PIEZO2: variants seen among roughly 807,000 people sequenced by gnomAD.
PIEZO2 encodes the protein piezo-type mechanosensitive ion channel component 2.
In PIEZO2, 172 loss-of-function variants were observed where a neutral mutation model predicts 337.3. The observed-to-expected ratio is 0.51, with a 90% CI of 0.45 to 0.58. PIEZO2 has a LOEUF of 0.58. Among genes scored for constraint, PIEZO2 ranks in the 20% least tolerant of loss-of-function variants. The probability of loss-of-function intolerance (pLI) is 0.00; values close to 1 mark genes in which losing one functional copy is unlikely to be tolerated. For missense variants in PIEZO2, 3,028 were observed against 3,391.3 expected (o/e 0.89, Z 2.66); for synonymous variants, 1,251 against 1,228.5 (o/e 1.02, Z -0.38).
At chr18:11,108,862 A>G (rs1469870278) in intron 1 of PIEZO2, among the ~76,000 whole-genome samples, 2 of 152,162 alleles carry the variant, frequency 1.3e-5, no homozygotes, top group East Asian at 1.9e-4. Flanking sequence ...CCTCCAGCAC[A>G]TCAGTAAAAA....
intron 29 of PIEZO2, among the ~76,000 whole-genome samples, chr18:10,749,557 G>A (rs928031898): frequency 6.6e-5 from 10 of 152,182 alleles, no homozygotes; most frequent in Non-Finnish European, 1.0e-4. Flanking sequence ...GGTAGGCCAC[G>A]TGTGATGTCG....
In PIEZO2 at chr18:10,724,397, C is replaced by G. The variant is rs1207277304; in HGVS notation, c.5030-6138G>C. Among the ~76,000 whole-genome samples, 1 of 152,126 alleles carries G rather than the reference C, an allele frequency of 6.6e-6. No individual in the cohort carries two copies. Among genetic ancestry groups the G allele is most frequent in the Non-Finnish European group, 1.5e-5 (1 of 68,014 alleles). On this transcript the variant is annotated intron_variant, in intron 36 of 55. Transcript: ENST00000674853. The surrounding 1 kb of genome is among the most constrained non-coding windows in gnomAD (Gnocchi z 5.8). ...GAAAACAAAAGTGCTTTCTCCTGGC[C>G]CAGCATACTTGGGTGAAGTCTGCTG...
chr18:10,832,800 C>T (rs1037834316), intron 7 of PIEZO2, among the ~76,000 whole-genome samples: 27 of 152,150 alleles, frequency 1.8e-4, no homozygotes, highest in East Asian at 5.8e-4. Flanking sequence ...TTCTCAGACC[C>T]GGGCCATGGA....
At chr18:10,732,780 T>C (rs954287466) in intron 35 of PIEZO2, among the ~76,000 whole-genome samples, 4 of 152,224 alleles carry the variant, frequency 2.6e-5, no homozygotes, top group African/African-American at 9.6e-5. Flanking sequence ...TAATTGGGTG[T>C]TAATTGGGAA....
In PIEZO2 at chr18:10,829,653, C is replaced by T. The variant is rs1036029754; in HGVS notation, c.918-22379G>A. 1.3e-5 allele frequency among the ~76,000 whole-genome samples: 2 copies of T among 151,860 alleles called. 1 individual carries two copies. Among genetic ancestry groups the T allele is most frequent in the South Asian group, 4.1e-4 (2 of 4,820 alleles). ...AAAATCAGTAGCATTTCTATATGGC[C>T]AACAGCAAACAATGTGAAAAAGAAA... On this transcript the variant is annotated intron_variant, in intron 7 of 55. Transcript: ENST00000674853.
chr18:10,671,044 T>C lies in PIEZO2; in HGVS notation c.*483A>G, dbSNP rs1454258997. 6.5e-6 allele frequency: 1 copy of C among 153,466 alleles called. No individual in the cohort carries two copies. Among genetic ancestry groups the C allele is most frequent in the African/African-American group, 2.4e-5 (1 of 41,464 alleles). The allele number at this position is 153,466 out of a possible 1,614,324, so 9.5% of individuals were successfully genotyped here. ...CTCCTAGAAACACAGGTAGGAGCTG[T>C]CTGCCCCCTATTGCTGTTGCATTTT... On this transcript the variant is annotated 3_prime_UTR_variant, in exon 56 of 56. Transcript: ENST00000674853.
Position 11,148,751 on chromosome 18 carries a change from C to G in PIEZO2, c.-163G>C, listed in dbSNP as rs980276500. 18 of 690,158 alleles carry G rather than the reference C, an allele frequency of 2.6e-5. 1 individual carries two copies. In the African/African-American group the frequency reaches 3.2e-4, roughly 12 times the overall value. 42.8% of individuals were successfully genotyped at this position (690,158 alleles called of 1,614,324 possible). ...CGCGACGCTCTCCGCCCCGAGGGCA[C>G]GCTCCCGGGGCTCTTGGCCGCCCCT... On this transcript the variant is annotated 5_prime_UTR_variant, in exon 1 of 56. Coordinates refer to ENST00000674853, the MANE Select transcript of PIEZO2 (RefSeq NM_001378183.1). The surrounding 1 kb of genome is among the most constrained non-coding windows in gnomAD (Gnocchi z 5.2).
At chr18:10,747,447 T>C (rs201019001) in intron 30 of PIEZO2, among the ~76,000 whole-genome samples, 6 of 152,238 alleles carry the variant, frequency 3.9e-5, no homozygotes, top group Non-Finnish European at 8.8e-5. Flanking sequence ...GCTGTTTATA[T>C]ACAAGTAAGT....
chr18:10,742,957 G>T (rs1416261184), intron 31 of PIEZO2, among the ~76,000 whole-genome samples: 1 of 152,018 alleles, frequency 6.6e-6, no homozygotes, highest in African/African-American at 2.4e-5. Flanking sequence ...TTTGAACATG[G>T]CATATTATGA....
Position 10,748,608 on chromosome 18 carries a change from T to C in PIEZO2, c.4287A>G (p.Thr1429=), listed in dbSNP as rs1394178576. ...YQMPAANSPC[T]LPSGEAGIIW... ...TGATTCCTGCTTCCCCACTGGGAAG[T>C]GTACAGGGTGAATTAGCAGCAGCTA... The change falls in exon 30 of 56, where the codon ACA becomes ACG. Residue 1429 remains threonine (T), a synonymous_variant. Coordinates refer to ENST00000674853, the MANE Select transcript of PIEZO2 (RefSeq NM_001378183.1). The surrounding 1 kb of genome is among the most constrained non-coding windows in gnomAD (Gnocchi z 5.1). 1 of 1,492,388 alleles carries C rather than the reference T, an allele frequency of 6.7e-7. No individual in the cohort carries two copies. Among genetic ancestry groups the C allele is most frequent in the Non-Finnish European group, 8.9e-7 (1 of 1,129,234 alleles). 92.4% of individuals were successfully genotyped at this position (1,492,388 alleles called of 1,614,324 possible).
rs2040818364 is a variant in PIEZO2 at position 11,146,613 on chromosome 18, C to T, written c.64+1912G>A. ...TTTAGTAGGACTGACAGGCCCCAAC[C>T]CCAGCATCCGCGGGGCTTGGAGGCA... On this transcript the variant is annotated intron_variant, in intron 1 of 55. Coordinates refer to ENST00000674853, the MANE Select transcript of PIEZO2 (RefSeq NM_001378183.1). The surrounding 1 kb of genome is among the most constrained non-coding windows in gnomAD (Gnocchi z 6.1). Among the ~76,000 whole-genome samples the T allele has an allele frequency of 6.6e-6, 1 of 152,208 alleles. No homozygotes were observed. Among genetic ancestry groups the T allele is most frequent in the Non-Finnish European group, 1.5e-5 (1 of 68,030 alleles).
At chr18:10,964,188 G>A (rs189030924) in intron 3 of PIEZO2, among the ~76,000 whole-genome samples, 70 of 152,192 alleles carry the variant, frequency 4.6e-4, no homozygotes, top group Non-Finnish European at 9.4e-4. Context: ...ATTAATTAAA[G>A]TGATTAATTA....
intron 1 of PIEZO2, among the ~76,000 whole-genome samples, chr18:11,134,077 T>C (rs2040413837): frequency 6.6e-6 from 1 of 152,126 alleles, no homozygotes; most frequent in African/African-American, 2.4e-5. Context: ...AGGAATGATA[T>C]CTGACTTCAG....
chr18:10,914,001 G>A (rs1425723150), intron 3 of PIEZO2, among the ~76,000 whole-genome samples: 3 of 152,146 alleles, frequency 2.0e-5, no homozygotes, highest in African/African-American at 4.8e-5. Context: ...TGAGCACTTA[G>A]TCATGATGAA....
In PIEZO2 at chr18:10,725,179, C is replaced by T. The variant is rs532496608; in HGVS notation, c.5029+6228G>A. The T allele has an allele frequency of 1.5e-4, 227 of 1,529,406 alleles. No individual in the cohort carries two copies. In the Middle Eastern group the frequency reaches 1.5e-3, roughly 10 times the overall value. 94.7% of individuals were successfully genotyped at this position (1,529,406 alleles called of 1,614,324 possible). The stretch of plus-strand genomic sequence containing the variant: ...CTGCGAGGCCTCTGGACAGTTCATC[C>T]ATCAGGCAGTTGGCATCATTGAGGC... On this transcript the variant is annotated intron_variant, in intron 36 of 55. Coordinates refer to ENST00000674853, the MANE Select transcript of PIEZO2 (RefSeq NM_001378183.1).
intron 3 of PIEZO2, among the ~76,000 whole-genome samples, chr18:10,914,097 G>A (rs982099344): frequency 1.3e-5 from 2 of 152,082 alleles, no homozygotes; most frequent in Non-Finnish European, 2.9e-5. Context: ...TCAGTTGCTG[G>A]GGAATTCTTT....
chr18:11,127,166 G>A lies in PIEZO2; in HGVS notation c.64+21359C>T, dbSNP rs1004167540. Among the ~76,000 whole-genome samples, 2 of 152,118 alleles carry A rather than the reference G, an allele frequency of 1.3e-5. No individual in the cohort carries two copies. Among genetic ancestry groups the A allele is most frequent in the East Asian group, 3.9e-4 (2 of 5,194 alleles). ...GATAATGACAGAAGTGTGTTGTGAC[G>A]GTGAGTGACCAGGATCAGGTGTTTG... On this transcript the variant is annotated intron_variant, in intron 1 of 55. Coordinates refer to ENST00000674853, the MANE Select transcript of PIEZO2 (RefSeq NM_001378183.1). This position sits in a 1 kb window ranked among gnomAD's most constrained non-coding sequence, Gnocchi z 4.5.
chr18:10,682,430 G>T lies in PIEZO2; in HGVS notation c.7498-138C>A. 1.3e-6 allele frequency: 1 copy of T among 764,524 alleles called. No individual in the cohort carries two copies. The highest frequency in any genetic ancestry group is 2.1e-6 in the Non-Finnish European group (1 of 486,920). 47.4% of individuals were successfully genotyped at this position (764,524 alleles called of 1,614,324 possible). A position where few individuals can be genotyped will look rare whatever the true frequency, so the allele number is the denominator to read the frequency against. ...GCCCTGAATCTTCTCTGTTCGCTCT[G>T]AAATGGGGATAGCAACCTTGTCCCA... On this transcript the variant is annotated intron_variant, in intron 49 of 55. Transcript: ENST00000674853. This position sits in a 1 kb window ranked among gnomAD's most constrained non-coding sequence, Gnocchi z 5.6.
In PIEZO2 at chr18:11,003,320, T is replaced by C. The variant is rs905034533; in HGVS notation, c.161-23660A>G. ...ACAAACCACAGTAAATCCTCACTTA[T>C]CATCAGTAGGCTCCTGGAAACTGCG... is the stretch of plus-strand genomic sequence containing the variant. On this transcript the variant is annotated intron_variant, in intron 2 of 55. Coordinates refer to ENST00000674853, the MANE Select transcript of PIEZO2 (RefSeq NM_001378183.1). This position sits in a 1 kb window ranked among gnomAD's most constrained non-coding sequence, Gnocchi z 4.6. Among the ~76,000 whole-genome samples the C allele has an allele frequency of 4.6e-5, 7 of 152,218 alleles. No homozygotes were observed. In the East Asian group the frequency reaches 7.7e-4, roughly 17 times the overall value.
Sources: gnomAD v4.1 joint callset for allele counts (sites outside exome capture counted in the v4.1 genomes callset) on GRCh38, gnomAD v4.1.1 for gene constraint, Gnocchi (gnomAD v3.1) non-coding constraint, MANE v1.5 for transcripts, NCBI Gene and HGNC (gene_info 2026-07-23, HGNC 2026-07-21) for gene names.